IMMT: variants seen among roughly 807,000 people sequenced by gnomAD.
The protein encoded by IMMT is inner membrane mitochondrial protein.
In IMMT, 40 loss-of-function variants were observed where a neutral mutation model predicts 92.7. That is an observed-to-expected ratio of 0.43 (90% CI 0.34 to 0.56). The LOEUF is 0.56. Among genes scored for constraint, IMMT ranks in the 20% least tolerant of loss-of-function variants. IMMT has a pLI of 0.03. For missense variants in IMMT, 831 were observed against 912.1 expected, an observed-to-expected ratio of 0.91 and a Z score of 1.14; for synonymous variants, 322 against 336.1, an observed-to-expected ratio of 0.96 and a Z score of 0.46.
At chr2:86,149,962 G>C (rs1045090935) in intron 12 of IMMT, among the ~76,000 whole-genome samples, 5 of 152,106 alleles carry the variant, frequency 3.3e-5, no homozygotes, top group African/African-American at 9.7e-5. Context: ...TGGTAGTAAT[G>C]GAGTGGACAG....
rs371238995 is a variant in IMMT, at chr2:86,158,719, G to A, written c.1035C>T (p.Val345=). 27 of 1,602,440 alleles carry A rather than the reference G, an allele frequency of 1.7e-5. No homozygotes were observed. The highest frequency in any genetic ancestry group is 2.3e-5 in the Non-Finnish European group (27 of 1,173,102). Residue 345 remains valine, a splice_region_variant and synonymous_variant, in exon 10 of 15, where the codon GTC becomes GTT. Coordinates refer to ENST00000410111, the MANE Select transcript of IMMT (RefSeq NM_006839.3). The part of the protein sequence containing the change: ...IVDLDNVVKK[V]QAAQSEAKVV... ...CCTTAGCCTCAGACTGAGCTGCTTGGACCTGAGCAAATACACAGGGTATGT... is the reference window on the plus strand; with the variant it reads ...CCTTAGCCTCAGACTGAGCTGCTTGAACCTGAGCAAATACACAGGGTATGT...
At chr2:86,171,513 GCATA>G in intron 4 of IMMT, 168 bp from the exon 5 acceptor site, 3 of 632,996 alleles carry the variant, frequency 4.7e-6, no homozygotes, top group Non-Finnish European at 5.7e-6. Context: ...ACTGTCCACT[GCATA>G]CATAAACTCA....
chr2:86,192,709 GAAGGC>G (rs903441798), intron 1 of IMMT, among the ~76,000 whole-genome samples: 1 of 152,150 alleles, frequency 6.6e-6, no homozygotes, highest in Non-Finnish European at 1.5e-5. Context: ...GTGATACAAG[GAAGGC>G]AAGAGTAGTC....
chr2:86,195,356 A>G lies in IMMT; in HGVS notation c.27T>C (p.Gly9=). The G allele has an allele frequency of 6.5e-7, 1 of 1,549,516 alleles. No individual in the cohort carries two copies. The highest frequency in any genetic ancestry group is 8.7e-7 in the Non-Finnish European group (1 of 1,146,444). The change falls in exon 1 of 15, where the codon GGT becomes GGC. Residue 9 remains glycine, a synonymous_variant. Transcript: ENST00000410111. ...TGCTCACCTGGGCGGCGGCGGTCAC[A>G]CCCGATAACTGACAGGCCCGCAGCA... MLRACQLS[G]VTAAAQSCLC...
intron 1 of IMMT, among the ~76,000 whole-genome samples, chr2:86,190,665 G>A (rs1673058318): frequency 6.6e-6 from 1 of 152,226 alleles, no homozygotes; most frequent in Non-Finnish European, 1.5e-5. Context: ...TCTAAGGAAT[G>A]CAAGGATGAT....
At chr2:86,185,754 A>T (rs1050200534) in intron 1 of IMMT, among the ~76,000 whole-genome samples, 1 of 152,246 alleles carries the variant, frequency 6.6e-6, no homozygotes, top group African/African-American at 2.4e-5. Flanking sequence ...GGACAAAATG[A>T]AAAGAAGCTT....
rs8244 is a variant in IMMT, at chr2:86,144,760, T to C, written c.1785A>G (p.Ala595=). 747,863 of 1,613,432 alleles carry C rather than the reference T, an allele frequency of 0.46. 182,782 individuals carry two copies. Among genetic ancestry groups the C allele is most frequent in the Non-Finnish European group, 0.51 (597,709 of 1,179,718 alleles). ...AACAGTTGGCTTTGATGGCCTCAAC[T>C]GCACTACCCAGCGGGATAGTAGGTG... ...AETPTIPLGS[A]VEAIKANCSD... Residue 595 remains alanine, a synonymous_variant, in exon 15 of 15, where the codon GCA becomes GCG. Coordinates refer to ENST00000410111, the MANE Select transcript of IMMT (RefSeq NM_006839.3).
At position 86,151,441 on chromosome 2, in the gene IMMT, C is replaced by T; in HGVS notation, c.1257G>A (p.Leu419=). The T allele has an allele frequency of 6.2e-7, 1 of 1,613,976 alleles. No homozygotes were observed. Among genetic ancestry groups the T allele is most frequent in the Non-Finnish European group, 8.5e-7 (1 of 1,179,882 alleles). ...GCTTTTCGGTGGCCTTCTGTTCTGC[C>T]AGCTCTCTGTTCAGCTGATCAATAC... ...HRRIDQLNRE[L]AEQKATEKQH... Residue 419 remains leucine (L), a synonymous_variant, in exon 12 of 15, where the codon CTG becomes CTA. Coordinates refer to ENST00000410111, the MANE Select transcript of IMMT (RefSeq NM_006839.3).
chr2:86,180,320 C>T (rs1448600236), intron 2 of IMMT, among the ~76,000 whole-genome samples: 3 of 151,976 alleles, frequency 2.0e-5, no homozygotes, highest in African/African-American at 4.8e-5. Flanking sequence ...GGCTGGAGTG[C>T]GATGGCACGA....
intron 6 of IMMT, among the ~76,000 whole-genome samples, chr2:86,170,258 A>T (rs887454020): frequency 2.6e-5 from 4 of 152,138 alleles, no homozygotes; most frequent in African/African-American, 9.7e-5. Flanking sequence ...TCTATAAAAA[A>T]TTTTTAAAAA....
chr2:86,148,876 G>C (rs1675248902), intron 12 of IMMT, among the ~76,000 whole-genome samples: 1 of 151,810 alleles, frequency 6.6e-6, no homozygotes, highest in Non-Finnish European at 1.5e-5. Context: ...CAGTGCATAA[G>C]TATTTATGAA....
chr2:86,169,984 C>G (rs896313735), intron 6 of IMMT, among the ~76,000 whole-genome samples: 1 of 152,128 alleles, frequency 6.6e-6, no homozygotes, highest in African/African-American at 2.4e-5. Flanking sequence ...CCATGCCCCA[C>G]CAGTGTCAGA....
chr2:86,146,369 T>G lies in IMMT; in HGVS notation c.1534-172A>C, dbSNP rs531664487. On this transcript the variant is annotated intron_variant, in intron 13 of 14. Transcript: ENST00000410111. The stretch of plus-strand genomic sequence containing the variant: ...TGTCCTGACTCATATTTGATGTATA[T>G]AATATATTTTTTTTTTTTTTGAGAT... 2.7e-3 allele frequency among the ~76,000 whole-genome samples: 363 copies of G among 135,518 alleles called. 2 individuals carry two copies. The highest frequency in any genetic ancestry group is 5.0e-3 in the Non-Finnish European group (317 of 63,168). 88.9% of individuals were successfully genotyped at this position (135,518 alleles called of 152,430 possible). A position where few individuals can be genotyped will look rare whatever the true frequency, so the allele number is the denominator to read the frequency against.
intron 3 of IMMT, among the ~76,000 whole-genome samples, chr2:86,177,396 A>G (rs1049328902): frequency 6.6e-6 from 1 of 152,060 alleles, no homozygotes; most frequent in African/African-American, 2.4e-5. Flanking sequence ...TGAGGTCAGG[A>G]GTTTAAGACC....
At chr2:86,195,233 G>A (rs1419620624) in intron 1 of IMMT, 105 bp downstream of exon 1, 2 of 1,259,278 alleles carry the variant, frequency 1.6e-6, no homozygotes, top group African/African-American at 3.1e-5. Context: ...TGGCCCTGAG[G>A]CTCGCCTTTG....
Position 86,147,812 on chromosome 2 carries a change from T to TG in IMMT, c.1422dup (p.Met475HisfsTer4). The TG allele has an allele frequency of 6.2e-7, 1 of 1,613,910 alleles. No homozygotes were observed. The highest frequency in any genetic ancestry group is 2.2e-5 in the East Asian group (1 of 44,888). ...AGCTGGGTTCTCATTTCATTTTCCA[T>TG]GGCATCTCTGACTTCTTCTATCTGT... On this transcript the variant is annotated frameshift_variant, in exon 13 of 15. Transcript: ENST00000410111. LOFTEE classifies it high-confidence loss of function.
intron 12 of IMMT, among the ~76,000 whole-genome samples, chr2:86,150,991 A>G (rs1455355169): frequency 6.6e-6 from 1 of 150,546 alleles, no homozygotes; most frequent in Non-Finnish European, 1.5e-5. Context: ...ATCTTAGCTC[A>G]CTGCAACCTC....
intron 1 of IMMT, chr2:86,195,016 G>A (rs1194918692): frequency 3.0e-6 from 1 of 332,622 alleles, no homozygotes; most frequent in East Asian, 4.9e-5. Context: ...AACCTATCGC[G>A]CGCCCAACCG....
At position 86,195,446 on chromosome 2, in the gene IMMT, G is replaced by A. The variant is rs1673480138; in HGVS notation, c.-64C>T. Reference sequence around the variant, plus strand: ...GCCGCGGCGGCGCGAGTTAAGTGGAGGCGTGCTTGCGTGTGTGCGTGCCCG... The same window carrying A: ...GCCGCGGCGGCGCGAGTTAAGTGGAAGCGTGCTTGCGTGTGTGCGTGCCCG... On this transcript the variant is annotated 5_prime_UTR_variant, in exon 1 of 15. Transcript: ENST00000410111. 3 of 1,521,914 alleles carry A rather than the reference G, an allele frequency of 2.0e-6. No homozygotes were observed. Among genetic ancestry groups the A allele is most frequent in the East Asian group, 2.5e-5 (1 of 40,152 alleles). 94.3% of individuals were successfully genotyped at this position (1,521,914 alleles called of 1,614,324 possible).
Sources: allele counts gnomAD v4.1 joint callset (sites outside exome capture counted in the v4.1 genomes callset), GRCh38; gene constraint gnomAD v4.1.1; transcripts MANE v1.5; gene names NCBI Gene and HGNC (gene_info 2026-07-23, HGNC 2026-07-21).